Variants in ITGBL1 observed in about 807,000 individuals in gnomAD.
ITGBL1 encodes integrin subunit beta like 1, also known as integrin beta-like protein 1.
Under a neutral mutation model 68.5 loss-of-function variants are expected in ITGBL1, and 51 were observed. The ratio of observed to expected loss-of-function variants is 0.74; its 90% CI spans 0.59 to 0.94. ITGBL1 has a LOEUF of 0.94. Ranked by LOEUF, ITGBL1 falls within the 40% of genes least tolerant of loss-of-function variation. The probability of loss-of-function intolerance (pLI) is 0.00; values close to 1 mark genes in which losing one functional copy is unlikely to be tolerated. For missense variants in ITGBL1, 649 were observed against 647.4 expected (o/e 1.00, Z -0.03); for synonymous variants, 209 against 227.3 (o/e 0.92, Z 0.72).
Position 101,692,653 on chromosome 13 carries a change from G to C in ITGBL1, c.1084G>C (p.Glu362Gln). 6.2e-7 allele frequency: 1 copy of C among 1,613,942 alleles called. No individual in the cohort carries two copies. The highest frequency in any genetic ancestry group is 1.3e-5 in the African/African-American group (1 of 75,044). Reference protein sequence around the residue: ...GDRRVYGKTCECDDRRCEDLD... With the variant: ...GDRRVYGKTCQCDDRRCEDLD... Reference sequence around the variant, plus strand: ...TCGCCGGGTGTATGGCAAGACTTGTGAGTGTGATGATCGCCGCTGTGAAGA... The same window carrying C: ...TCGCCGGGTGTATGGCAAGACTTGTCAGTGTGATGATCGCCGCTGTGAAGA... The change falls in exon 8 of 11, where the codon GAG becomes CAG. Residue 362 changes from glutamate to glutamine, a missense_variant. Coordinates refer to ENST00000376180, the MANE Select transcript of ITGBL1 (RefSeq NM_004791.3).
chr13:101,699,779 G>A (rs978146635), intron 8 of ITGBL1, among the ~76,000 whole-genome samples: 1 of 152,206 alleles, frequency 6.6e-6, no homozygotes, highest in Non-Finnish European at 1.5e-5. Context: ...CCACTCCTGG[G>A]TGTTCCTCTT....
chr13:101,459,632 A>G (rs2048291131), intron 2 of ITGBL1, among the ~76,000 whole-genome samples: 1 of 151,972 alleles, frequency 6.6e-6, no homozygotes, highest in Non-Finnish European at 1.5e-5. Context: ...CCCAGCTACT[A>G]GGGAGGCTGA....
intron 6 of ITGBL1, among the ~76,000 whole-genome samples, chr13:101,586,072 G>T (rs2050551873): frequency 6.6e-6 from 1 of 152,124 alleles, no homozygotes; most frequent in South Asian, 2.1e-4. Flanking sequence ...AAGCTTGTGT[G>T]CAATTCCCGC....
At chr13:101,604,887 T>TATATATATATGCACACACACAC in intron 7 of ITGBL1, among the ~76,000 whole-genome samples, 1 of 22,166 alleles carries the variant, frequency 4.5e-5, no homozygotes, top group Non-Finnish European at 8.2e-5. Context: ...TATATATATA[T>TATATATATATGCACACACACAC]ACACACACAC....
intron 7 of ITGBL1, among the ~76,000 whole-genome samples, chr13:101,665,459 A>G (rs1243994305): frequency 1.3e-5 from 2 of 152,086 alleles, no homozygotes; most frequent in Non-Finnish European, 2.9e-5. Context: ...CTATTTTTAA[A>G]ATTATTAACC....
At chr13:101,670,770 G>C (rs554876326) in intron 7 of ITGBL1, among the ~76,000 whole-genome samples, 1 of 152,110 alleles carries the variant, frequency 6.6e-6, no homozygotes, top group Admixed American at 6.5e-5. Context: ...AACGAATTAG[G>C]CTTATTTAAT....
Position 101,550,033 on chromosome 13 carries a change from C to G in ITGBL1, c.317-17666C>G, listed in dbSNP as rs145093464. Among the ~76,000 whole-genome samples the G allele has an allele frequency of 8.5e-5, 13 of 152,206 alleles. No individual in the cohort carries two copies. The East Asian group carries it at 2.1e-3, about 25-fold the overall frequency. On this transcript the variant is annotated intron_variant, in intron 2 of 10. Transcript: ENST00000376180. The stretch of plus-strand genomic sequence containing the variant: ...CAAAAACTAGTTAGTTAATAAAGGA[C>G]TGCTAGATGATTATGGCTATATACT...
At chr13:101,536,074 T>C (rs937017676) in intron 2 of ITGBL1, among the ~76,000 whole-genome samples, 9 of 151,922 alleles carry the variant, frequency 5.9e-5, no homozygotes, top group African/African-American at 1.9e-4. Context: ...AAATTATACT[T>C]TAAGTTTTAG....
In ITGBL1 at chr13:101,530,693, A is replaced by G. The variant is rs114740657; in HGVS notation, c.317-37006A>G. On this transcript the variant is annotated intron_variant, in intron 2 of 10. Transcript: ENST00000376180. ...TGTTTGAATATGTTTGGTAATTTAC[A>G]TATGTAGCCTTTAGCTTACAAAAAA... is the stretch of plus-strand genomic sequence containing the variant. Among the ~76,000 whole-genome samples the G allele has an allele frequency of 3.3e-3, 510 of 152,358 alleles. 5 individuals are homozygous for G. The highest frequency in any genetic ancestry group is 0.011 in the African/African-American group (476 of 41,588).
intron 7 of ITGBL1, among the ~76,000 whole-genome samples, chr13:101,656,937 T>C (rs965247568): frequency 6.6e-6 from 1 of 151,040 alleles, no homozygotes; most frequent in Admixed American, 6.6e-5. Flanking sequence ...GTATTGCTTC[T>C]ATTTTTTTTT....
At chr13:101,588,169 C>T (rs2050589510) in intron 6 of ITGBL1, among the ~76,000 whole-genome samples, 1 of 152,142 alleles carries the variant, frequency 6.6e-6, no homozygotes, top group African/African-American at 2.4e-5. Flanking sequence ...TCCTGCCTTC[C>T]CAGCATGGCC....
At chr13:101,589,414 C>T (rs1272766749) in intron 6 of ITGBL1, among the ~76,000 whole-genome samples, 1 of 152,196 alleles carries the variant, frequency 6.6e-6, no homozygotes, top group African/African-American at 2.4e-5. Flanking sequence ...GGTGACCATA[C>T]ATTCGCTGAC....
At chr13:101,552,772 T>A (rs143967828) in intron 2 of ITGBL1, among the ~76,000 whole-genome samples, 11 of 152,310 alleles carry the variant, frequency 7.2e-5, no homozygotes, top group African/African-American at 2.6e-4. Context: ...ATTATTGCAA[T>A]CTTCTCCTTT....
intron 2 of ITGBL1, among the ~76,000 whole-genome samples, chr13:101,513,626 A>G (rs758753287): frequency 6.6e-6 from 1 of 152,140 alleles, no homozygotes; most frequent in African/African-American, 2.4e-5. Flanking sequence ...AAAATTACTT[A>G]TGGCTAGAAT....
intron 7 of ITGBL1, among the ~76,000 whole-genome samples, chr13:101,649,194 T>C (rs1276732613): frequency 6.6e-6 from 1 of 152,196 alleles, no homozygotes; most frequent in Admixed American, 6.5e-5. Flanking sequence ...GAAATTTAAA[T>C]GTGAAAACAC....
At chr13:101,539,032 A>G (rs964994371) in intron 2 of ITGBL1, among the ~76,000 whole-genome samples, 2 of 127,060 alleles carry the variant, frequency 1.6e-5, no homozygotes, top group Non-Finnish European at 3.3e-5. Flanking sequence ...TGACTTTGAG[A>G]TTTATGCTGT....
chr13:101,610,120 A>G (rs2031052989), intron 7 of ITGBL1, among the ~76,000 whole-genome samples: 2 of 152,280 alleles, frequency 1.3e-5, no homozygotes, highest in Non-Finnish European at 2.9e-5. Context: ...TTTTGTTACT[A>G]TGATTATATA....
intron 2 of ITGBL1, among the ~76,000 whole-genome samples, chr13:101,470,921 A>G (rs2048448292): frequency 1.0e-5 from 1 of 96,996 alleles, no homozygotes; most frequent in East Asian, 3.5e-4. Flanking sequence ...TCATCTTACC[A>G]TTCTAAAGAT....
intron 2 of ITGBL1, among the ~76,000 whole-genome samples, chr13:101,509,572 C>G (rs556307044): frequency 2.0e-5 from 3 of 151,924 alleles, no homozygotes; most frequent in African/African-American, 7.3e-5. Context: ...CAATATTAAC[C>G]GATATTCAAT....
Sources: allele counts gnomAD v4.1 joint callset (sites outside exome capture counted in the v4.1 genomes callset), GRCh38; gene constraint gnomAD v4.1.1; transcripts MANE v1.5; gene names NCBI Gene and HGNC (gene_info 2026-07-23, HGNC 2026-07-21).